The following CDH4 variants were observed in gnomAD, a reference collection of about 807,000 sequenced individuals.
The protein encoded by CDH4 is cadherin 4, also known as cadherin-4.
Under a neutral mutation model 86.0 loss-of-function variants are expected in CDH4, and 33 were observed. The observed-to-expected ratio is 0.38, with a 90% confidence interval of 0.29 to 0.51. The LOEUF is 0.51. Among genes scored for constraint, CDH4 ranks in the 20% least tolerant of loss-of-function variants. The pLI, the probability that CDH4 is intolerant of heterozygous loss-of-function variation, is 0.86. For missense variants in CDH4, 1,114 were observed against 1,307.4 expected (o/e 0.85, Z 2.28); for synonymous variants, 555 against 549.4 (o/e 1.01, Z -0.14).
chr20:61,618,611 C>G (rs2086744821), intron 2 of CDH4, among the ~76,000 whole-genome samples: 1 of 152,166 alleles, frequency 6.6e-6, no homozygotes, highest in Non-Finnish European at 1.5e-5. Flanking sequence ...GTGCATCCAG[C>G]ACCCGGCATG....
chr20:61,383,357 G>GTGATATATATGAATATATGT (rs1568822561), intron 2 of CDH4, among the ~76,000 whole-genome samples: 2 of 15,880 alleles, frequency 1.3e-4, no homozygotes, highest in African/African-American at 6.9e-4. Context: ...GAATATATAT[G>GTGATATATATGAATATATGT]GATATATATG....
At chr20:61,717,267 G>A (rs1022737873) in intron 2 of CDH4, among the ~76,000 whole-genome samples, 9 of 152,212 alleles carry the variant, frequency 5.9e-5, no homozygotes, top group Non-Finnish European at 5.9e-5. Context: ...AGGGCCATGA[G>A]CACCATGCCA....
chr20:61,494,964 A>G (rs934195374), intron 2 of CDH4, among the ~76,000 whole-genome samples: 7 of 152,222 alleles, frequency 4.6e-5, no homozygotes. Context: ...CATGCCCTGC[A>G]CTGGGGAAAC....
rs145877012 is a variant in CDH4 at position 61,634,064 on chromosome 20, G to A, written c.170-109499G>A. Among the ~76,000 whole-genome samples, 121 of 152,268 alleles carry A rather than the reference G, an allele frequency of 7.9e-4. 1 individual carries two copies. The highest frequency in any genetic ancestry group is 1.2e-3 in the African/African-American group (48 of 41,550). On this transcript the variant is annotated intron_variant, in intron 2 of 15. Transcript: ENST00000614565. ...AGTGTTTCAGACCCAGCTAAAGCCCGGTTTTTCCATCTCTAACAGGGAGGT... is the reference window on the plus strand; with the variant it reads ...AGTGTTTCAGACCCAGCTAAAGCCCAGTTTTTCCATCTCTAACAGGGAGGT...
At chr20:61,870,156 A>G (rs776235749) in intron 6 of CDH4, among the ~76,000 whole-genome samples, 22 of 152,120 alleles carry the variant, frequency 1.4e-4, no homozygotes, top group Non-Finnish European at 3.2e-4. Context: ...GGCTGAGTGG[A>G]GAAGAGCTCC....
intron 2 of CDH4, among the ~76,000 whole-genome samples, chr20:61,690,467 T>C (rs1470229739): frequency 6.6e-6 from 1 of 151,968 alleles, no homozygotes; most frequent in East Asian, 1.9e-4. Flanking sequence ...GGGTTTGCAG[T>C]TCTGGGTTGG....
chr20:61,768,345 C>CAT (rs1356698164), intron 3 of CDH4, among the ~76,000 whole-genome samples: 1 of 152,180 alleles, frequency 6.6e-6, no homozygotes, highest in South Asian at 2.1e-4. Flanking sequence ...CGTGTGCATT[C>CAT]ATATATATCT....
intron 4 of CDH4, among the ~76,000 whole-genome samples, chr20:61,796,523 C>T (rs891144958): frequency 6.6e-6 from 1 of 152,234 alleles, no homozygotes; most frequent in African/African-American, 2.4e-5. Context: ...TGAGGTCCTG[C>T]TTGCCATCCT....
At chr20:61,451,779 C>T (rs376934794) in intron 2 of CDH4, among the ~76,000 whole-genome samples, 152 of 152,126 alleles carry the variant, frequency 1.0e-3, no homozygotes, top group African/African-American at 3.5e-3. Context: ...GCTCCCTGGC[C>T]GTGGTGTGCC....
chr20:61,872,300 G>T (rs1261288276), intron 6 of CDH4, among the ~76,000 whole-genome samples: 7 of 152,170 alleles, frequency 4.6e-5, no homozygotes, highest in Non-Finnish European at 1.5e-5. Flanking sequence ...CAGGTGAGAT[G>T]AGGATGCACA....
chr20:61,542,164 C>T (rs2086044501), intron 2 of CDH4, among the ~76,000 whole-genome samples: 1 of 152,200 alleles, frequency 6.6e-6, no homozygotes, highest in Non-Finnish European at 1.5e-5. Flanking sequence ...GGTTAAGCTA[C>T]TGAGATTTGG....
At chr20:61,682,048 G>A (rs1201483985) in intron 2 of CDH4, among the ~76,000 whole-genome samples, 2 of 152,212 alleles carry the variant, frequency 1.3e-5, no homozygotes, top group African/African-American at 2.4e-5. Flanking sequence ...CTAAGCGTCT[G>A]CCTCCATTCT....
At chr20:61,823,772 G>A (rs1380192424) in intron 4 of CDH4, among the ~76,000 whole-genome samples, 1 of 152,204 alleles carries the variant, frequency 6.6e-6, no homozygotes, top group Non-Finnish European at 1.5e-5. Flanking sequence ...AAGAATATAT[G>A]TGTGTAGAAC....
intron 2 of CDH4, among the ~76,000 whole-genome samples, chr20:61,492,894 C>G (rs2085636085): frequency 6.6e-6 from 1 of 152,080 alleles, no homozygotes. Flanking sequence ...ACCTGGATGG[C>G]AAGTTGAAGC....
intron 2 of CDH4, among the ~76,000 whole-genome samples, chr20:61,326,939 C>A (rs915528344): frequency 6.6e-6 from 1 of 152,146 alleles, no homozygotes; most frequent in Non-Finnish European, 1.5e-5. Context: ...GTACTGCCTT[C>A]CTATATGTCA....
intron 4 of CDH4, among the ~76,000 whole-genome samples, chr20:61,786,348 T>G (rs962611210): frequency 9.2e-5 from 14 of 152,116 alleles, no homozygotes; most frequent in African/African-American, 3.4e-4. Flanking sequence ...ATCGCCCTGC[T>G]GCAGTCTGCG....
chr20:61,757,492 AG>A (rs2088579957), intron 3 of CDH4, among the ~76,000 whole-genome samples: 1 of 152,358 alleles, frequency 6.6e-6, no homozygotes, highest in Admixed American at 6.5e-5. Flanking sequence ...AGGGGTGCCC[AG>A]GGCCCCAGGG....
At chr20:61,565,405 C>CT (rs60747414) in intron 2 of CDH4, among the ~76,000 whole-genome samples, 354 of 21,000 alleles carry the variant, frequency 0.017, 75 homozygotes, top group Non-Finnish European at 0.02. Context: ...ATGGTGGTGG[C>CT]GGTGCTCTTG....
At chr20:61,526,166 G>GC (rs200994048) in intron 2 of CDH4, among the ~76,000 whole-genome samples, 7,412 of 150,336 alleles carry the variant, frequency 0.049, 270 homozygotes, top group African/African-American at 0.11. Flanking sequence ...TCCTGCTGGT[G>GC]CCCCTCCCCC....
Sources: gnomAD v4.1 joint callset for allele counts (sites outside exome capture counted in the v4.1 genomes callset) on GRCh38, gnomAD v4.1.1 for gene constraint, MANE v1.5 for transcripts, NCBI Gene and HGNC (gene_info 2026-07-23, HGNC 2026-07-21) for gene names.